Variants in GRIK4 observed in about 807,000 individuals in gnomAD.
GRIK4 encodes glutamate receptor ionotropic, kainate 4.
A neutral mutation model predicts 104.9 loss-of-function variants in GRIK4; 40 were observed. That is an observed-to-expected ratio of 0.38 (90% CI 0.30 to 0.50). GRIK4 has a LOEUF of 0.50. GRIK4 is among the 20% of genes least tolerant of loss of function. The pLI is 0.93. For missense variants in GRIK4, 1,047 were observed against 1,308.1 expected (o/e 0.80, Z 3.08); for synonymous variants, 485 against 524.9 (o/e 0.92, Z 1.04).
rs769314062 is a variant in GRIK4 at position 120,513,350 on chromosome 11, A to G, written c.-159+1463A>G. Among the ~76,000 whole-genome samples the G allele has an allele frequency of 1.3e-5, 2 of 152,092 alleles. No homozygotes were observed. The highest frequency in any genetic ancestry group is 2.9e-5 in the Non-Finnish European group (2 of 67,990). ...GAGGCCGCCTGGGTTGGTAGTGGGC[A>G]TCTGAGAGACAAATCCGGTCCTGCC... On this transcript the variant is annotated intron_variant, in intron 1 of 20. Coordinates refer to ENST00000527524, the MANE Select transcript of GRIK4 (RefSeq NM_014619.5). The surrounding 1 kb of genome is among the most constrained non-coding windows in gnomAD (Gnocchi z 4.5).
At chr11:120,604,683 A>AGCC in intron 1 of GRIK4, among the ~76,000 whole-genome samples, 1 of 152,250 alleles carries the variant, frequency 6.6e-6, no homozygotes, top group Non-Finnish European at 1.5e-5. Flanking sequence ...TGTTAGCGAT[A>AGCC]AGCCAGAGCT....
chr11:120,571,653 C>T (rs1235605190), intron 1 of GRIK4, among the ~76,000 whole-genome samples: 2 of 152,128 alleles, frequency 1.3e-5, no homozygotes, highest in East Asian at 3.9e-4. Flanking sequence ...CTCACCACCC[C>T]TCATCCACCT....
At chr11:120,597,865 C>T (rs144675984) in intron 1 of GRIK4, among the ~76,000 whole-genome samples, 22 of 152,190 alleles carry the variant, frequency 1.4e-4, no homozygotes, top group African/African-American at 5.3e-4. Context: ...CTTTCAGGAG[C>T]GGGAGTGCCT....
chr11:120,954,832 A>ACACACACACACAC (rs1944103422), intron 15 of GRIK4, among the ~76,000 whole-genome samples: 1 of 7,960 alleles, frequency 1.3e-4, no homozygotes, highest in Non-Finnish European at 2.9e-4. Flanking sequence ...CACACACACA[A>ACACACACACACAC]ACAATACTGG....
chr11:120,746,663 A>G (rs982548479), intron 3 of GRIK4, among the ~76,000 whole-genome samples: 2 of 152,202 alleles, frequency 1.3e-5, no homozygotes, highest in African/African-American at 4.8e-5. Context: ...CTCCATTTCT[A>G]TTCAGCCACA....
At chr11:120,749,910 G>A in intron 3 of GRIK4, among the ~76,000 whole-genome samples, 1 of 152,180 alleles carries the variant, frequency 6.6e-6, no homozygotes, top group East Asian at 1.9e-4. Context: ...TGGGTCCTGA[G>A]TTTAGGGTTG....
At chr11:120,706,840 T>G (rs1419154723) in intron 3 of GRIK4, among the ~76,000 whole-genome samples, 6 of 152,168 alleles carry the variant, frequency 3.9e-5, no homozygotes, top group African/African-American at 1.4e-4. Context: ...AGTCTGCAGA[T>G]GCACACTGCT....
At chr11:120,798,795 T>G (rs1952570675) in intron 3 of GRIK4, among the ~76,000 whole-genome samples, 1 of 152,236 alleles carries the variant, frequency 6.6e-6, no homozygotes, top group Non-Finnish European at 1.5e-5. Context: ...ATAAGGACAC[T>G]GATCCTATCA....
chr11:120,519,612 T>G (rs1947771880), intron 1 of GRIK4, among the ~76,000 whole-genome samples: 1 of 152,246 alleles, frequency 6.6e-6, no homozygotes, highest in Non-Finnish European at 1.5e-5. Flanking sequence ...TGCACTATGA[T>G]AATAACCTTA....
chr11:120,768,408 A>C (rs1039545215), intron 3 of GRIK4, among the ~76,000 whole-genome samples: 3 of 152,134 alleles, frequency 2.0e-5, no homozygotes, highest in African/African-American at 7.2e-5. Flanking sequence ...GTATACTGCA[A>C]CTTTACTGAA....
At chr11:120,868,843 C>T (rs1046638053) in intron 9 of GRIK4, 5 of 152,336 alleles carry the variant, frequency 3.3e-5, no homozygotes, top group Middle Eastern at 3.4e-3. Flanking sequence ...CCTCGGCTTC[C>T]CAAAGTGCTG....
intron 1 of GRIK4, among the ~76,000 whole-genome samples, chr11:120,534,925 C>T (rs1947957795): frequency 6.6e-6 from 1 of 152,172 alleles, no homozygotes; most frequent in South Asian, 2.1e-4. Context: ...TGCGGAACTT[C>T]CTGAGATACG....
At chr11:120,980,715 G>A (rs895496876) in intron 19 of GRIK4, among the ~76,000 whole-genome samples, 1 of 152,118 alleles carries the variant, frequency 6.6e-6, no homozygotes, top group Non-Finnish European at 1.5e-5. Context: ...CATTCACACA[G>A]GTACTCAAGA....
chr11:120,737,220 CTATTTGAATGTAT>C (rs1482537177), intron 3 of GRIK4, among the ~76,000 whole-genome samples: 1 of 152,090 alleles, frequency 6.6e-6, no homozygotes, highest in East Asian at 1.9e-4. Context: ...CTTGTCACTA[CTATTTGAATGTAT>C]TATTTGAATA....
intron 1 of GRIK4, among the ~76,000 whole-genome samples, chr11:120,604,344 G>A (rs1349510329): frequency 6.6e-6 from 1 of 152,168 alleles, no homozygotes; most frequent in East Asian, 1.9e-4. Flanking sequence ...CCTGGGCATC[G>A]CATTGCTTTT....
At chr11:120,528,202 GCTGAGCTCAAGCAGTCTGCCTGC>G (rs1421473392) in intron 1 of GRIK4, among the ~76,000 whole-genome samples, 1 of 152,128 alleles carries the variant, frequency 6.6e-6, no homozygotes, top group Non-Finnish European at 1.5e-5. Context: ...TTCTTGAACT[GCTGAGCTCAAGCAGTCTGCCTGC>G]CTCAACCTCC....
Position 120,614,770 on chromosome 11 carries a change from C to A in GRIK4, c.-158-38915C>A, listed in dbSNP as rs190464603. Among the ~76,000 whole-genome samples the A allele has an allele frequency of 3.2e-3, 482 of 152,226 alleles. 10 individuals carry two copies. Among genetic ancestry groups the A allele is most frequent in the Non-Finnish European group, 5.7e-4 (39 of 67,998 alleles). On this transcript the variant is annotated intron_variant, in intron 1 of 20. Coordinates refer to ENST00000527524, the MANE Select transcript of GRIK4 (RefSeq NM_014619.5). ...ATCCCAGCACTTTGGGAGGCCAAGG[C>A]GGGTGGATCATGAGGTCAGGAGATC...
chr11:120,856,233 A>G (rs1358917389), intron 8 of GRIK4, among the ~76,000 whole-genome samples: 1 of 152,228 alleles, frequency 6.6e-6, no homozygotes, highest in Non-Finnish European at 1.5e-5. Flanking sequence ...TATGTGGCCA[A>G]ATGAGGGTTT....
At chr11:120,650,493 G>A (rs780569968) in intron 1 of GRIK4, among the ~76,000 whole-genome samples, 6 of 152,072 alleles carry the variant, frequency 3.9e-5, no homozygotes, top group African/African-American at 1.4e-4. Context: ...CCTGCTCTTC[G>A]CATCCCCCCT....
Sources: allele counts gnomAD v4.1 joint callset (sites outside exome capture counted in the v4.1 genomes callset), GRCh38; gene constraint gnomAD v4.1.1; non-coding constraint Gnocchi (gnomAD v3.1); transcripts MANE v1.5; gene names NCBI Gene and HGNC (gene_info 2026-07-23, HGNC 2026-07-21).